ERICH1: variants seen among roughly 807,000 people sequenced by gnomAD.
The protein encoded by ERICH1 is glutamate-rich protein 1.
In ERICH1, 56 loss-of-function variants were observed where a neutral mutation model predicts 39.6. The ratio of observed to expected loss-of-function variants is 1.41; its 90% CI spans 1.14 to 1.77. ERICH1 has a LOEUF of 1.77. Ranked by LOEUF, ERICH1 falls within the 40% of genes most tolerant of loss-of-function variation. The probability of loss-of-function intolerance (pLI) is 0.00; values close to 1 mark genes in which losing one functional copy is unlikely to be tolerated. For missense variants in ERICH1, 826 were observed against 575.4 expected, an observed-to-expected ratio of 1.44 and a Z score of -4.45; for synonymous variants, 313 against 223.6, an observed-to-expected ratio of 1.40 and a Z score of -3.57.
At chr8:670,253 G>T (rs1336264624) in intron 4 of ERICH1, among the ~76,000 whole-genome samples, 1 of 152,134 alleles carries the variant, frequency 6.6e-6, no homozygotes, top group East Asian at 1.9e-4. Context: ...CTGGCGAAAT[G>T]CTCCAATTTT....
chr8:652,217 T>C (rs961402384), intron 3 of ERICH1, among the ~76,000 whole-genome samples: 2 of 152,178 alleles, frequency 1.3e-5, no homozygotes, highest in African/African-American at 2.4e-5. Context: ...CTGAAGACCT[T>C]ACTTCCGGTG....
At chr8:675,102 G>A (rs1401293474) in intron 3 of ERICH1, among the ~76,000 whole-genome samples, 1 of 150,898 alleles carries the variant, frequency 6.6e-6, no homozygotes, top group African/African-American at 2.5e-5. Flanking sequence ...CAACACCTCA[G>A]TGAGGACAGA....
chr8:617,304 G>C (rs1411355737), intron 3 of ERICH1, among the ~76,000 whole-genome samples: 2 of 152,170 alleles, frequency 1.3e-5, no homozygotes, highest in Non-Finnish European at 2.9e-5. Context: ...GCAGCTCAGA[G>C]GATGCCTCCT....
At chr8:682,037 C>A (rs548408270) in intron 3 of ERICH1, among the ~76,000 whole-genome samples, 3 of 150,002 alleles carry the variant, frequency 2.0e-5, no homozygotes, top group Admixed American at 1.3e-4. Context: ...CATCCACCCC[C>A]ACCCTGCCCC....
intron 3 of ERICH1, among the ~76,000 whole-genome samples, chr8:641,719 C>T (rs892074016): frequency 1.3e-5 from 2 of 152,164 alleles, no homozygotes; most frequent in Non-Finnish European, 2.9e-5. Flanking sequence ...CGGAGGACCC[C>T]TCCCCCTCCC....
chr8:720,582 T>G (rs571497603), intron 1 of ERICH1, among the ~76,000 whole-genome samples: 6 of 152,256 alleles, frequency 3.9e-5, no homozygotes, highest in African/African-American at 1.4e-4. Context: ...GCCGTAGGGA[T>G]TTGGATGTGC....
At chr8:623,883 A>G (rs1797436658) in intron 3 of ERICH1, among the ~76,000 whole-genome samples, 1 of 152,240 alleles carries the variant, frequency 6.6e-6, no homozygotes. Context: ...CTAGTAATGG[A>G]AGAAAAAAGT....
chr8:619,553 G>A (rs895010993), intron 3 of ERICH1, among the ~76,000 whole-genome samples: 4 of 152,068 alleles, frequency 2.6e-5, no homozygotes, highest in East Asian at 1.9e-4. Context: ...AGTATCCACC[G>A]GGGGAAGAAA....
rs558832955 is a variant in ERICH1 at position 642,986 on chromosome 8, G to A, written c.976+25612C>T. 3.3e-5 allele frequency among the ~76,000 whole-genome samples: 5 copies of A among 152,290 alleles called. No individual in the cohort carries two copies. In the South Asian group the frequency reaches 6.2e-4, roughly 19 times the overall value. On this transcript the variant is annotated intron_variant, in intron 3 of 3. Transcript: ENST00000522706. The stretch of plus-strand genomic sequence containing the variant: ...ACGCCGCCGAGTCACTTGTTGGAAC[G>A]TGGCCCGAAACAAACTGCGGGTTTT...
downstream of ERICH1, among the ~76,000 whole-genome samples, chr8:662,659 T>TA (rs1801600101): frequency 2.0e-5 from 3 of 151,494 alleles, no homozygotes; most frequent in African/African-American, 7.3e-5. Flanking sequence ...AAAAAGAAAA[T>TA]AAAAATAAAA....
intron 2 of ERICH1, among the ~76,000 whole-genome samples, chr8:692,852 AC>A (rs534519161): frequency 2.0e-5 from 3 of 152,368 alleles, no homozygotes; most frequent in Admixed American, 6.5e-5. Flanking sequence ...GTTTGAATTC[AC>A]ATGAAATTAC....
At chr8:634,993 G>A (rs913176131) in intron 3 of ERICH1, among the ~76,000 whole-genome samples, 1 of 152,076 alleles carries the variant, frequency 6.6e-6, no homozygotes, top group Non-Finnish European at 1.5e-5. Flanking sequence ...GGCCGTCGGA[G>A]TTCCCTCCTG....
At chr8:627,301 G>A (rs1297737473) in intron 3 of ERICH1, 1 of 434,284 alleles carries the variant, frequency 2.3e-6, no homozygotes, top group East Asian at 7.2e-5. Context: ...AACAGGCCAG[G>A]GGCTGGCAGA....
intron 1 of ERICH1, among the ~76,000 whole-genome samples, 155 bp downstream of exon 1, chr8:730,985 G>T (rs1341390076): frequency 6.6e-6 from 1 of 152,158 alleles, no homozygotes; most frequent in Non-Finnish European, 1.5e-5. Flanking sequence ...GTAAGAGCGG[G>T]GGATGGGTAG....
At chr8:668,472 C>T (rs1265658148) in intron 5 of ERICH1, 126 bp downstream of exon 5, 9 of 883,982 alleles carry the variant, frequency 1.0e-5, no homozygotes, top group East Asian at 2.5e-5. Flanking sequence ...CTCTATTCTC[C>T]CATGCCATAT....
chr8:642,377 C>G (rs1394392031), intron 3 of ERICH1, among the ~76,000 whole-genome samples: 1 of 120,010 alleles, frequency 8.3e-6, no homozygotes, highest in East Asian at 2.6e-4. Flanking sequence ...CAGAGTCTCG[C>G]TCTGTCGCCC....
At chr8:709,378 G>T (rs75086308) in intron 2 of ERICH1, among the ~76,000 whole-genome samples, 1 of 151,886 alleles carries the variant, frequency 6.6e-6, no homozygotes, top group Non-Finnish European at 1.5e-5. Flanking sequence ...TCACCCTGGG[G>T]GGTTCAGCCC....
chr8:633,564 G>C (rs1023304086), intron 3 of ERICH1, among the ~76,000 whole-genome samples: 1 of 152,074 alleles, frequency 6.6e-6, no homozygotes, highest in African/African-American at 2.4e-5. Context: ...GAATCTCAAG[G>C]GTTCCTGATT....
intron 2 of ERICH1, among the ~76,000 whole-genome samples, chr8:697,631 G>A (rs935138431): frequency 4.6e-5 from 7 of 152,110 alleles, no homozygotes; most frequent in African/African-American, 1.4e-4. Flanking sequence ...CCAGCTCTTC[G>A]CCATTTTGGT....
Sources: gnomAD v4.1 joint callset for allele counts (sites outside exome capture counted in the v4.1 genomes callset) on GRCh38, gnomAD v4.1.1 for gene constraint, MANE v1.5 for transcripts, NCBI Gene and HGNC (gene_info 2026-07-23, HGNC 2026-07-21) for gene names.